The following RAD51B variants were observed in gnomAD, a reference collection of about 807,000 sequenced individuals.
The protein encoded by RAD51B is RAD51 paralog B.
RAD51B carries 38 observed loss-of-function variants against 42.2 expected under a neutral mutation model. The ratio of observed to expected loss-of-function variants is 0.90; its 90% CI spans 0.70 to 1.18. The LOEUF (loss-of-function observed/expected upper bound fraction) is 1.18, where lower values mean the gene tolerates loss of function less well. RAD51B is among the 50% of genes most tolerant of loss of function. The probability of loss-of-function intolerance (pLI) is 0.00; values close to 1 mark genes in which losing one functional copy is unlikely to be tolerated. For missense variants in RAD51B, 373 were observed against 400.7 expected (o/e 0.93, Z 0.59); for synonymous variants, 154 against 145.2 (o/e 1.06, Z -0.43).
At chr14:68,025,476 C>CTTTTT (rs765471138) in intron 7 of RAD51B, among the ~76,000 whole-genome samples, 48 of 40,926 alleles carry the variant, frequency 1.2e-3, no homozygotes, top group East Asian at 2.3e-3. Context: ...CTGGTCTAGG[C>CTTTTT]TTTTTTTTTT....
chr14:68,212,419 T>C (rs1175517547), intron 7 of RAD51B, among the ~76,000 whole-genome samples: 1 of 152,234 alleles, frequency 6.6e-6, no homozygotes, highest in Non-Finnish European at 1.5e-5. Context: ...ATAGAGCTGT[T>C]AGCAGCAGCA....
chr14:67,850,557 A>G (rs2041770898), intron 4 of RAD51B, among the ~76,000 whole-genome samples: 2 of 152,088 alleles, frequency 1.3e-5, no homozygotes, highest in South Asian at 4.1e-4. Context: ...GCAGACAGTT[A>G]TGTACTTGGT....
At chr14:68,603,521 G>A (rs934351057) in intron 10 of RAD51B, among the ~76,000 whole-genome samples, 3 of 151,952 alleles carry the variant, frequency 2.0e-5, no homozygotes, top group African/African-American at 4.8e-5. Flanking sequence ...TTATCTTTTC[G>A]ATTTGGGGGT....
chr14:68,504,334 G>A (rs1272228020), intron 10 of RAD51B, among the ~76,000 whole-genome samples: 1 of 152,184 alleles, frequency 6.6e-6, no homozygotes, highest in Admixed American at 6.5e-5. Flanking sequence ...CTCCACTTTG[G>A]CCTGCACACC....
intron 9 of RAD51B, among the ~76,000 whole-genome samples, chr14:68,435,612 A>G (rs1185192760): frequency 6.6e-6 from 1 of 151,448 alleles, no homozygotes; most frequent in Non-Finnish European, 1.5e-5. Flanking sequence ...ACTGCTTTCT[A>G]CAGTGGCTGA....
chr14:68,052,913 G>A (rs149738500), intron 7 of RAD51B, among the ~76,000 whole-genome samples: 247 of 151,972 alleles, frequency 1.6e-3, no homozygotes, highest in African/African-American at 5.5e-3. Context: ...GATTACAAAC[G>A]TGAGCCACCG....
intron 7 of RAD51B, among the ~76,000 whole-genome samples, chr14:68,008,305 T>G (rs1422368524): frequency 6.6e-6 from 1 of 151,958 alleles, no homozygotes; most frequent in Non-Finnish European, 1.5e-5. Flanking sequence ...ATAGACAAAT[T>G]GATCTTCATA....
intron 11 of RAD51B, among the ~76,000 whole-genome samples, chr14:68,671,666 C>T (rs1050002984): frequency 2.6e-5 from 4 of 151,970 alleles, no homozygotes; most frequent in Admixed American, 1.3e-4. Context: ...TATTGAAAAC[C>T]GCCTTGTATG....
rs8011690 is a variant in RAD51B, at chr14:67,825,190, G to A, written c.85-274G>A. Among the ~76,000 whole-genome samples the A allele has an allele frequency of 0.39, 58,250 of 150,350 alleles. 12,155 individuals carry two copies. The highest frequency in any genetic ancestry group is 0.54 in the African/African-American group (22,311 of 41,024). ...TTTGGCACAAGTGTAGCGCTCATACGCACCTGGATTGGATGCTGGTGCTAT... is the reference window on the plus strand; with the variant it reads ...TTTGGCACAAGTGTAGCGCTCATACACACCTGGATTGGATGCTGGTGCTAT... On this transcript the variant is annotated intron_variant, in intron 2 of 10. Coordinates refer to ENST00000471583, the MANE Select transcript of RAD51B (RefSeq NM_133510.4).
intron 9 of RAD51B, among the ~76,000 whole-genome samples, chr14:68,444,805 T>TG (rs1353036695): frequency 9.2e-5 from 14 of 152,282 alleles, no homozygotes; most frequent in Non-Finnish European, 1.6e-4. Flanking sequence ...TTTCTGGTGA[T>TG]GGGGGGGCAT....
chr14:68,143,722 C>A (rs2078187511), intron 7 of RAD51B, among the ~76,000 whole-genome samples: 1 of 152,178 alleles, frequency 6.6e-6, no homozygotes, highest in Non-Finnish European at 1.5e-5. Flanking sequence ...CTATACTCTG[C>A]CTGTTGCTTT....
intron 7 of RAD51B, among the ~76,000 whole-genome samples, chr14:68,194,725 A>G (rs1566719949): frequency 6.6e-6 from 1 of 152,208 alleles, no homozygotes; most frequent in Non-Finnish European, 1.5e-5. Flanking sequence ...TGAGAATGAG[A>G]TATGACAGTG....
intron 8 of RAD51B, among the ~76,000 whole-genome samples, chr14:68,348,070 T>G (rs546637771): frequency 6.6e-6 from 1 of 152,286 alleles, no homozygotes; most frequent in Non-Finnish European, 1.5e-5. Flanking sequence ...AAGTGACCAT[T>G]GCATGGACCA....
intron 8 of RAD51B, among the ~76,000 whole-genome samples, chr14:68,389,797 C>T (rs1311677690): frequency 6.6e-6 from 1 of 152,204 alleles, no homozygotes; most frequent in African/African-American, 2.4e-5. Context: ...CTCAGTCAGG[C>T]TTCCAAAAGA....
chr14:67,952,777 T>G (rs553341051), intron 7 of RAD51B, among the ~76,000 whole-genome samples: 2 of 152,242 alleles, frequency 1.3e-5, no homozygotes, highest in Admixed American at 6.5e-5. Context: ...TAGTATCTAA[T>G]ATTGTCAGGA....
At chr14:68,020,252 G>A (rs1347603454) in intron 7 of RAD51B, among the ~76,000 whole-genome samples, 1 of 152,064 alleles carries the variant, frequency 6.6e-6, no homozygotes, top group Non-Finnish European at 1.5e-5. Context: ...TGGGACCACA[G>A]GCACGTGCCA....
At chr14:68,315,136 G>T (rs989746588) in intron 8 of RAD51B, among the ~76,000 whole-genome samples, 1 of 152,210 alleles carries the variant, frequency 6.6e-6, no homozygotes, top group Non-Finnish European at 1.5e-5. Context: ...GATCTTTTAT[G>T]TATCTAAATG....
At position 68,273,672 on chromosome 14, in the gene RAD51B, A is replaced by C. The variant is rs545394935; in HGVS notation, c.757-18212A>C. On this transcript the variant is annotated intron_variant, in intron 7 of 10. Coordinates refer to ENST00000471583, the MANE Select transcript of RAD51B (RefSeq NM_133510.4). ...TGGCAACCCTGATTAGGTTCGGAAC[A>C]AGCACTTCCATCATTTTTCTTTTTT... 2.2e-4 allele frequency among the ~76,000 whole-genome samples: 34 copies of C among 152,164 alleles called. No individual in the cohort carries two copies. In the South Asian group the frequency reaches 7.1e-3, roughly 32 times the overall value.
At chr14:68,067,545 G>T (rs1049260775) in intron 7 of RAD51B, among the ~76,000 whole-genome samples, 2 of 151,330 alleles carry the variant, frequency 1.3e-5, no homozygotes, top group Non-Finnish European at 2.9e-5. Flanking sequence ...GTATTGAAAA[G>T]CACACTGATA....
Sources: allele counts gnomAD v4.1 joint callset (sites outside exome capture counted in the v4.1 genomes callset), GRCh38; gene constraint gnomAD v4.1.1; transcripts MANE v1.5; gene names NCBI Gene and HGNC (gene_info 2026-07-23, HGNC 2026-07-21).